The following CA10 variants were observed in gnomAD, a reference collection of about 807,000 sequenced individuals.
The protein encoded by CA10 is carbonic anhydrase 10 (inactive).
Under a neutral mutation model 44.2 loss-of-function variants are expected in CA10, and 14 were observed. The ratio of observed to expected loss-of-function variants is 0.32; its 90% CI spans 0.21 to 0.50. The LOEUF (loss-of-function observed/expected upper bound fraction) is 0.50. CA10 is among the 20% of genes least tolerant of loss of function. The pLI, the probability that CA10 is intolerant of heterozygous loss-of-function variation, is 0.99. For missense variants in CA10, 350 were observed against 409.7 expected (o/e 0.85, Z 1.26); for synonymous variants, 159 against 141.6 (o/e 1.12, Z -0.87).
At chr17:51,866,804 A>G (rs1178439394) in intron 3 of CA10, among the ~76,000 whole-genome samples, 1 of 152,206 alleles carries the variant, frequency 6.6e-6, no homozygotes, top group Non-Finnish European at 1.5e-5. Flanking sequence ...GCTTAGCAGA[A>G]ATGTAGCTCC....
At chr17:51,684,709 T>C (rs901709612) in intron 4 of CA10, among the ~76,000 whole-genome samples, 3 of 152,236 alleles carry the variant, frequency 2.0e-5, no homozygotes, top group African/African-American at 7.2e-5. Flanking sequence ...TCTTTATGCC[T>C]ACATGACCTC....
chr17:52,159,354 G>A (rs1451240107), upstream of CA10: 3 of 152,348 alleles, frequency 2.0e-5, no homozygotes, highest in African/African-American at 7.2e-5. Context: ...CCCGAAAAGG[G>A]GGAACACCGC....
At chr17:51,963,971 C>T (rs1241631527) in intron 2 of CA10, among the ~76,000 whole-genome samples, 1 of 152,038 alleles carries the variant, frequency 6.6e-6, no homozygotes, top group Non-Finnish European at 1.5e-5. Context: ...CATAGAGTTG[C>T]TAGTTGGATA....
chr17:51,677,689 A>G (rs1914675874), intron 4 of CA10, among the ~76,000 whole-genome samples: 1 of 152,122 alleles, frequency 6.6e-6, no homozygotes, highest in South Asian at 2.1e-4. Context: ...GAACTGTCAT[A>G]AATTCCTAAA....
At chr17:51,945,718 T>G (rs534398133) in intron 2 of CA10, among the ~76,000 whole-genome samples, 2 of 152,270 alleles carry the variant, frequency 1.3e-5, no homozygotes, top group African/African-American at 4.8e-5. Flanking sequence ...CTTCCACACC[T>G]TGTCACCTGC....
intron 3 of CA10, among the ~76,000 whole-genome samples, chr17:51,789,582 G>A (rs1906430477): frequency 6.6e-6 from 1 of 152,120 alleles, no homozygotes; most frequent in Non-Finnish European, 1.5e-5. Context: ...CTGAGTGTGT[G>A]CTCATGATAC....
intron 3 of CA10, among the ~76,000 whole-genome samples, chr17:51,870,033 C>T (rs1275812525): frequency 1.3e-5 from 2 of 152,204 alleles, no homozygotes; most frequent in Non-Finnish European, 2.9e-5. Context: ...CCAAACCACT[C>T]TTTAATTAGT....
intron 3 of CA10, among the ~76,000 whole-genome samples, chr17:51,796,274 C>T (rs895230614): frequency 1.3e-5 from 2 of 151,844 alleles, no homozygotes; most frequent in Non-Finnish European, 2.9e-5. Context: ...GCCTTGTCTG[C>T]GATCTCATGG....
At chr17:51,978,234 G>T (rs1325581007) in intron 2 of CA10, among the ~76,000 whole-genome samples, 1 of 151,970 alleles carries the variant, frequency 6.6e-6, no homozygotes, top group African/African-American at 2.4e-5. Flanking sequence ...AAAGAACAAA[G>T]TTGGATAACT....
At chr17:51,807,100 G>A (rs1217976170) in intron 3 of CA10, among the ~76,000 whole-genome samples, 1 of 152,194 alleles carries the variant, frequency 6.6e-6, no homozygotes, top group East Asian at 1.9e-4. Context: ...CTGCTTCCAA[G>A]TTCTTTTGTT....
chr17:51,641,010 G>T (rs1396186203), intron 6 of CA10, among the ~76,000 whole-genome samples: 1 of 151,958 alleles, frequency 6.6e-6, no homozygotes, highest in African/African-American at 2.4e-5. Flanking sequence ...GAGGCCAGTG[G>T]GGGAGTGTTC....
chr17:52,077,016 C>T (rs892036023), intron 1 of CA10, among the ~76,000 whole-genome samples: 4 of 152,096 alleles, frequency 2.6e-5, no homozygotes, highest in Admixed American at 6.6e-5. Flanking sequence ...TCATCACTGC[C>T]AGAGGAAAAG....
intron 3 of CA10, among the ~76,000 whole-genome samples, chr17:51,866,427 C>T (rs1208914238): frequency 2.0e-5 from 3 of 152,238 alleles, no homozygotes; most frequent in African/African-American, 4.8e-5. Flanking sequence ...TTACTCCTTT[C>T]TTTCCTGTGC....
intron 2 of CA10, among the ~76,000 whole-genome samples, chr17:51,996,713 T>C (rs1030326825): frequency 6.6e-6 from 1 of 152,048 alleles, no homozygotes; most frequent in African/African-American, 2.4e-5. Context: ...AAAATGCTTA[T>C]TCAGTTGATC....
chr17:52,049,748 A>C (rs1987006451), intron 2 of CA10, among the ~76,000 whole-genome samples: 1 of 152,120 alleles, frequency 6.6e-6, no homozygotes, highest in South Asian at 2.1e-4. Context: ...TGAAAGTTTC[A>C]CAAGTGCATC....
chr17:51,690,787 T>A (rs1329380638), intron 4 of CA10, among the ~76,000 whole-genome samples: 5 of 152,252 alleles, frequency 3.3e-5, no homozygotes, highest in Non-Finnish European at 5.9e-5. Flanking sequence ...TATTTCTTCA[T>A]AGCAGTATGA....
intron 3 of CA10, among the ~76,000 whole-genome samples, chr17:51,917,150 T>C (rs1444924084): frequency 4.6e-5 from 7 of 152,222 alleles, no homozygotes; most frequent in Admixed American, 4.6e-4. Flanking sequence ...GGCTTATATG[T>C]AGCATTTGCA....
chr17:51,732,579 C>T (rs116396894), intron 4 of CA10, among the ~76,000 whole-genome samples: 1,760 of 152,228 alleles, frequency 0.012, 28 homozygotes, highest in African/African-American at 0.041. Flanking sequence ...TCTGCATAAC[C>T]GACAGTGTCT....
At chr17:51,774,563 C>G (rs1905738296) in intron 3 of CA10, among the ~76,000 whole-genome samples, 1 of 152,118 alleles carries the variant, frequency 6.6e-6, no homozygotes, top group Admixed American at 6.5e-5. Context: ...CCTCAGCCTC[C>G]CTAGTAGCTG....
Sources: allele counts gnomAD v4.1 joint callset (sites outside exome capture counted in the v4.1 genomes callset), GRCh38; gene constraint gnomAD v4.1.1; transcripts MANE v1.5; gene names NCBI Gene and HGNC (gene_info 2026-07-23, HGNC 2026-07-21).